PRKN: variants seen among roughly 807,000 people sequenced by gnomAD.
The protein encoded by PRKN is parkin RBR E3 ubiquitin protein ligase.
Under a neutral mutation model 59.5 loss-of-function variants are expected in PRKN, and 56 were observed. The ratio of observed to expected loss-of-function variants is 0.94; its 90% CI spans 0.76 to 1.18. The LOEUF is 1.18. PRKN is among the 50% of genes most tolerant of loss of function. The probability of loss-of-function intolerance (pLI) is 0.00; values close to 1 mark genes in which losing one functional copy is unlikely to be tolerated. For missense variants in PRKN, 657 were observed against 596.4 expected (o/e 1.10, Z -1.06); for synonymous variants, 250 against 222.1 (o/e 1.13, Z -1.12).
chr6:162,684,322 A>C (rs1180285607), intron 1 of PRKN, among the ~76,000 whole-genome samples: 1 of 152,056 alleles, frequency 6.6e-6, no homozygotes, highest in Non-Finnish European at 1.5e-5. Flanking sequence ...AAGGCAGCAG[A>C]AAGTGTAACT....
rs375740723 is a variant in PRKN, at chr6:162,064,223, T to C, written c.535-10049A>G. Reference sequence around the variant, plus strand: ...TCCAGCAAAAAGAAAGATTAATCTATGGTGATAAAAATCAGAAGAGGTTAT... The same window carrying C: ...TCCAGCAAAAAGAAAGATTAATCTACGGTGATAAAAATCAGAAGAGGTTAT... On this transcript the variant is annotated intron_variant, in intron 4 of 11. Transcript: ENST00000366898. Among the ~76,000 whole-genome samples, 5 of 152,148 alleles carry C rather than the reference T, an allele frequency of 3.3e-5. No individual in the cohort carries two copies. In the South Asian group the frequency reaches 6.2e-4, roughly 19 times the overall value.
chr6:161,695,080 G>A (rs1785962941), intron 7 of PRKN, among the ~76,000 whole-genome samples: 1 of 152,102 alleles, frequency 6.6e-6, no homozygotes, highest in African/African-American at 2.4e-5. Context: ...AGGCTCCCAG[G>A]TCAACCCAGG....
In PRKN at chr6:162,511,384, C is replaced by T. The variant is rs1314468499; in HGVS notation, c.8-67911G>A. Among the ~76,000 whole-genome samples the T allele has an allele frequency of 1.3e-5, 2 of 151,996 alleles. 1 individual carries two copies. Among genetic ancestry groups the T allele is most frequent in the South Asian group, 4.2e-4 (2 of 4,812 alleles). On this transcript the variant is annotated intron_variant, in intron 1 of 11. Transcript: ENST00000366898. ...TTGCCTTAAAGTGCAGTTTGTTTTA[C>T]CTGCTAGAAAAACTGTGAAACAGGA...
chr6:162,097,236 T>TA (rs1490948997), intron 4 of PRKN, among the ~76,000 whole-genome samples: 1 of 152,164 alleles, frequency 6.6e-6, no homozygotes, highest in African/African-American at 2.4e-5. Context: ...GGAAAAAAGT[T>TA]AAAACTGTCT....
intron 5 of PRKN, among the ~76,000 whole-genome samples, chr6:161,990,277 T>A (rs2128257981): frequency 6.6e-6 from 1 of 152,292 alleles, no homozygotes; most frequent in South Asian, 2.1e-4. Flanking sequence ...CAGACACAAC[T>A]GATGCTGATT....
At chr6:162,608,516 G>A (rs1268415618) in intron 1 of PRKN, among the ~76,000 whole-genome samples, 4 of 152,164 alleles carry the variant, frequency 2.6e-5, no homozygotes, top group Non-Finnish European at 5.9e-5. Context: ...AAAGAATGTG[G>A]TGATGACACA....
At position 162,374,337 on chromosome 6, in the gene PRKN, C is replaced by A. The variant is rs1270648574; in HGVS notation, c.171+68973G>T. Among the ~76,000 whole-genome samples the A allele has an allele frequency of 2.0e-5, 3 of 150,664 alleles. No individual in the cohort carries two copies. In the South Asian group the frequency reaches 6.3e-4, roughly 32 times the overall value. ...TCTGTAAGGATTAGAGTAGAAGGAA[C>A]CTCTGTGTGTTGAAATTTTTTGATT... On this transcript the variant is annotated intron_variant, in intron 2 of 11. Transcript: ENST00000366898.
At chr6:162,622,923 C>A (rs1225182435) in intron 1 of PRKN, among the ~76,000 whole-genome samples, 1 of 152,196 alleles carries the variant, frequency 6.6e-6, no homozygotes, top group African/African-American at 2.4e-5. Flanking sequence ...CCCTCCTGAA[C>A]ACCTTTCCCA....
At chr6:162,175,433 A>G (rs879286820) in intron 4 of PRKN, among the ~76,000 whole-genome samples, 4 of 152,196 alleles carry the variant, frequency 2.6e-5, no homozygotes, top group African/African-American at 4.8e-5. Context: ...CTGAATAGCT[A>G]TAGGATATAA....
intron 5 of PRKN, among the ~76,000 whole-genome samples, chr6:162,025,033 T>G (rs1783371463): frequency 1.3e-5 from 2 of 148,722 alleles, no homozygotes; most frequent in African/African-American, 2.5e-5. Flanking sequence ...TTTTTTTTTT[T>G]GAGACGGAGT....
rs116479878 is a variant in PRKN, at chr6:162,282,190, G to A, written c.172-19425C>T. On this transcript the variant is annotated intron_variant, in intron 2 of 11. Coordinates refer to ENST00000366898, the MANE Select transcript of PRKN (RefSeq NM_004562.3). ...GCAAAAGCACTGCATGAGTAATCAA[G>A]GTCAAAGGCAGAATTAATGGATGTT... is the stretch of plus-strand genomic sequence containing the variant. Among the ~76,000 whole-genome samples the A allele has an allele frequency of 5.5e-3, 834 of 152,230 alleles. 15 individuals carry two copies. The highest frequency in any genetic ancestry group is 0.019 in the African/African-American group (786 of 41,560).
At chr6:161,394,404 TAAAC>T (rs1786654690) in intron 9 of PRKN, among the ~76,000 whole-genome samples, 2 of 152,178 alleles carry the variant, frequency 1.3e-5, no homozygotes, top group South Asian at 4.2e-4. Context: ...CCAGGGATAT[TAAAC>T]AATGCCAATT....
intron 2 of PRKN, among the ~76,000 whole-genome samples, chr6:162,339,145 C>T (rs1784009194): frequency 4.0e-5 from 6 of 149,022 alleles, no homozygotes; most frequent in South Asian, 2.1e-4. Flanking sequence ...GCAGCCGCCC[C>T]GTCTGAGAAG....
At chr6:161,789,624 G>C (rs997292531) in intron 6 of PRKN, among the ~76,000 whole-genome samples, 4 of 152,086 alleles carry the variant, frequency 2.6e-5, no homozygotes, top group Non-Finnish European at 5.9e-5. Flanking sequence ...TTCTTCAATA[G>C]TTATTTAAAA....
chr6:161,713,923 C>CTTTATAGATGGTT (rs1786858902), intron 7 of PRKN, among the ~76,000 whole-genome samples: 1 of 152,114 alleles, frequency 6.6e-6, no homozygotes, highest in Non-Finnish European at 1.5e-5. Context: ...GGGCAGTTCC[C>CTTTATAGATGGTT]CTGCACACGC....
At chr6:162,507,058 A>G (rs1004233974) in intron 1 of PRKN, among the ~76,000 whole-genome samples, 10 of 152,192 alleles carry the variant, frequency 6.6e-5, no homozygotes, top group African/African-American at 2.4e-4. Context: ...AAGAATGAGA[A>G]GGCAAGCACT....
Position 161,688,599 on chromosome 6 carries a change from G to A in PRKN, c.871+97173C>T, listed in dbSNP as rs191605011. Among the ~76,000 whole-genome samples, 103 of 152,338 alleles carry A rather than the reference G, an allele frequency of 6.8e-4. No individual in the cohort carries two copies. The East Asian group carries it at 0.016, about 24-fold the overall frequency. Reference sequence around the variant, plus strand: ...TTCTTCTAGTGAGTCTTTGTGGAATGCCTGTGATGGCCAGGTACTAGTATA... The same window carrying A: ...TTCTTCTAGTGAGTCTTTGTGGAATACCTGTGATGGCCAGGTACTAGTATA... On this transcript the variant is annotated intron_variant, in intron 7 of 11. Transcript: ENST00000366898.
intron 1 of PRKN, among the ~76,000 whole-genome samples, chr6:162,480,060 G>A (rs1283787545): frequency 1.2e-4 from 14 of 115,306 alleles, no homozygotes; most frequent in African/African-American, 4.5e-4. Flanking sequence ...GCAAGATTTT[G>A]TCTCAAAAAA....
intron 1 of PRKN, among the ~76,000 whole-genome samples, chr6:162,453,942 G>A (rs1430672240): frequency 1.3e-5 from 2 of 152,048 alleles, no homozygotes; most frequent in African/African-American, 4.8e-5. Flanking sequence ...AATAATAAGG[G>A]CAAAACTCTT....
Sources: gnomAD v4.1 joint callset for allele counts (sites outside exome capture counted in the v4.1 genomes callset) on GRCh38, gnomAD v4.1.1 for gene constraint, MANE v1.5 for transcripts, NCBI Gene and HGNC (gene_info 2026-07-23, HGNC 2026-07-21) for gene names.